The following ZC2HC1C variants were observed in gnomAD, a reference collection of about 807,000 sequenced individuals.
ZC2HC1C encodes zinc finger C2HC domain-containing protein 1C.
A neutral mutation model predicts 39.2 loss-of-function variants in ZC2HC1C; 25 were observed. That is an observed-to-expected ratio of 0.64 (90% CI 0.47 to 0.89). The LOEUF is 0.89. ZC2HC1C is among the 40% of genes least tolerant of loss of function. The pLI is 0.00. For synonymous variants in ZC2HC1C, 209 were observed against 214.4 expected (o/e 0.97, Z 0.22); for missense variants, 519 against 548.6 (o/e 0.95, Z 0.54).
In ZC2HC1C at chr14:75,075,135, C is replaced by T. The variant is rs776238198; in HGVS notation, c.1339-2397C>T. On this transcript the variant is annotated intron_variant, in intron 2 of 2. Coordinates refer to ENST00000524913, the MANE Select transcript of ZC2HC1C (RefSeq NM_024643.4). ...TCTACATACCTGTCTTTTTCTCCCC[C>T]GCAACGATCCATCTGATATCAGACA... 3.2e-4 allele frequency among the ~76,000 whole-genome samples: 48 copies of T among 152,252 alleles called. 1 individual carries two copies. In the South Asian group the frequency reaches 3.9e-3, roughly 12 times the overall value.
Position 75,071,101 on chromosome 14 carries a change from GAACTTTGGTGTGAGGAACCAGGGC to G in ZC2HC1C, c.535_558del (p.Gly179_Phe186del). ...CTGAGCCGAGAGAGTTTTCATCTAGGAACTTTGGTGTGAGGAACCAGGGCAACTTTTCTGTGGTTGGTACTGTTC... is the reference window on the plus strand; with the variant it reads ...CTGAGCCGAGAGAGTTTTCATCTAGGAACTTTTCTGTGGTTGGTACTGTTC... On this transcript the variant is annotated inframe_deletion, in exon 2 of 3. Coordinates refer to ENST00000524913, the MANE Select transcript of ZC2HC1C (RefSeq NM_024643.4). 6.2e-7 allele frequency: 1 copy of G among 1,614,212 alleles called. No homozygotes were observed. Among genetic ancestry groups the G allele is most frequent in the Non-Finnish European group, 8.5e-7 (1 of 1,180,044 alleles).
chr14:75,075,914 G>C (rs557539696), intron 2 of ZC2HC1C, among the ~76,000 whole-genome samples: 4 of 152,092 alleles, frequency 2.6e-5, no homozygotes, highest in African/African-American at 9.6e-5. Context: ...AAAATTAGCC[G>C]GGCGTGGTGG....
intron 2 of ZC2HC1C, chr14:75,073,443 A>C (rs897321478): frequency 1.7e-5 from 8 of 469,340 alleles, no homozygotes; most frequent in African/African-American, 4.1e-5. Flanking sequence ...GGTTCCTGAG[A>C]TCAGATGCTC....
At position 75,071,386 on chromosome 14, in the gene ZC2HC1C, C is replaced by T. The variant is rs1233784921; in HGVS notation, c.813C>T (p.Ser271=). The T allele has an allele frequency of 1.1e-5, 17 of 1,613,986 alleles. No homozygotes were observed. The highest frequency in any genetic ancestry group is 1.4e-5 in the Non-Finnish European group (16 of 1,180,034). ...TACAGAAAATTATACTCCCCAGGAG[C>T]AGAGTTAAAGGTAATAAAAGCAACA... ...GELQKIILPR[S]RVKGNKSNTM... Residue 271 remains serine (S), a synonymous_variant, in exon 2 of 3, where the codon AGC becomes AGT. Coordinates refer to ENST00000524913, the MANE Select transcript of ZC2HC1C (RefSeq NM_024643.4).
chr14:75,079,440 C>T lies in ZC2HC1C; in HGVS notation c.*1876C>T, dbSNP rs1259553702. On this transcript the variant is annotated 3_prime_UTR_variant, in exon 3 of 3. Coordinates refer to ENST00000524913, the MANE Select transcript of ZC2HC1C (RefSeq NM_024643.4). ...GTTAGCCCCTTAAGGAAACCTCACA[C>T]AGAGATAATGGATATTTAACCTAAT... is the stretch of plus-strand genomic sequence containing the variant. The T allele has an allele frequency of 6.6e-6, 1 of 152,134 alleles. No individual in the cohort carries two copies. The highest frequency in any genetic ancestry group is 2.4e-5 in the African/African-American group (1 of 41,426). The allele number at this position is 152,134 out of a possible 1,614,324, so 9.4% of individuals were successfully genotyped here. A position where few individuals can be genotyped will look rare whatever the true frequency, so the allele number is the denominator to read the frequency against.
Position 75,071,011 on chromosome 14 carries a change from C to T in ZC2HC1C, c.438C>T (p.His146=), listed in dbSNP as rs1372699673. Residue 146 remains histidine (H), a synonymous_variant, in exon 2 of 3, where the codon CAC becomes CAT. Transcript: ENST00000524913. ...DRAFPLKPMV[H]RKSCSTGEAG... is the part of the protein sequence containing the mutation. The stretch of plus-strand genomic sequence containing the variant: ...CGTTCCCATTGAAACCCATGGTCCA[C>T]AGGAAGTCGTGCAGTACAGGTGAGG... 5 of 1,614,196 alleles carry T rather than the reference C, an allele frequency of 3.1e-6. No individual in the cohort carries two copies.
In ZC2HC1C at chr14:75,079,470, A is replaced by G. The variant is rs534050250; in HGVS notation, c.*1906A>G. The G allele has an allele frequency of 9.8e-5, 15 of 152,350 alleles. No individual in the cohort carries two copies. Among genetic ancestry groups the G allele is most frequent in the South Asian group, 2.1e-4 (1 of 4,832 alleles). 9.4% of individuals were successfully genotyped at this position (152,350 alleles called of 1,614,324 possible). On this transcript the variant is annotated 3_prime_UTR_variant, in exon 3 of 3. Transcript: ENST00000524913. ...ATAATGGATATTTAACCTAATAGGTACATTCCCTAGGCAAGTTCAATGAAA... is the reference window on the plus strand; with the variant it reads ...ATAATGGATATTTAACCTAATAGGTGCATTCCCTAGGCAAGTTCAATGAAA...
chr14:75,071,390 G>A lies in ZC2HC1C; in HGVS notation c.817G>A (p.Val273Ile), dbSNP rs1893400647. The stretch of plus-strand genomic sequence containing the variant: ...GAAAATTATACTCCCCAGGAGCAGA[G>A]TTAAAGGTAATAAAAGCAACACCAT... ...LQKIILPRSR[V>I]KGNKSNTMYK... The change falls in exon 2 of 3, where the codon GTT becomes ATT. Residue 273 changes from valine (V) to isoleucine (I), a missense_variant. Coordinates refer to ENST00000524913, the MANE Select transcript of ZC2HC1C (RefSeq NM_024643.4). 6.2e-7 allele frequency: 1 copy of A among 1,614,178 alleles called. No individual in the cohort carries two copies. The highest frequency in any genetic ancestry group is 2.2e-5 in the East Asian group (1 of 44,882).
intron 2 of ZC2HC1C, chr14:75,073,620 G>C (rs1304032301): frequency 7.8e-7 from 1 of 1,289,262 alleles, no homozygotes; most frequent in South Asian, 1.2e-5. Flanking sequence ...CATTCCTCTA[G>C]AGTACTCAAG....
chr14:75,074,369 C>CT (rs962814206), intron 2 of ZC2HC1C, among the ~76,000 whole-genome samples: 2 of 152,170 alleles, frequency 1.3e-5, no homozygotes, highest in South Asian at 2.1e-4. Context: ...AGCTAGTTGT[C>CT]TTTTTTCTCT....
At chr14:75,074,981 G>A (rs1268607594) in intron 2 of ZC2HC1C, among the ~76,000 whole-genome samples, 2 of 152,006 alleles carry the variant, frequency 1.3e-5, no homozygotes, top group Non-Finnish European at 2.9e-5. Context: ...ACAATTTTTG[G>A]TTAAAAGTAG....
rs74825278 is a variant in ZC2HC1C at position 75,071,084 on chromosome 14, A to G, written c.511A>G (p.Arg171Gly). Residue 171 changes from arginine to glycine, a missense_variant, in exon 2 of 3, where the codon AGA (arginine) becomes GGA (glycine). Coordinates refer to ENST00000524913, the MANE Select transcript of ZC2HC1C (RefSeq NM_024643.4). ...HNVYPRPPEP[R>G]EFSSRNFGVR... ...TGTCTACCCAAGGCCCCCTGAGCCG[A>G]GAGAGTTTTCATCTAGGAACTTTGG... 277 of 1,614,194 alleles carry G rather than the reference A, an allele frequency of 1.7e-4. No homozygotes were observed. The East Asian group carries it at 5.1e-3, about 29-fold the overall frequency.
intron 2 of ZC2HC1C, chr14:75,073,562 A>G (rs1893522742): frequency 7.8e-7 from 1 of 1,289,048 alleles, no homozygotes; most frequent in Non-Finnish European, 1.0e-6. Context: ...CTCAAATCTT[A>G]TTCCACAGTG....
intron 2 of ZC2HC1C, among the ~76,000 whole-genome samples, chr14:75,072,400 C>A (rs1232601282): frequency 1.3e-5 from 2 of 152,240 alleles, no homozygotes; most frequent in East Asian, 3.8e-4. Context: ...ATTCCTTTAA[C>A]TATTCACTCT....
intron 2 of ZC2HC1C, among the ~76,000 whole-genome samples, chr14:75,076,872 CTA>C (rs1255333269): frequency 2.0e-5 from 3 of 152,112 alleles, no homozygotes; most frequent in African/African-American, 7.2e-5. Flanking sequence ...GGCTCATTGA[CTA>C]AGGATCTTCA....
rs747078006 is a variant in ZC2HC1C, at chr14:75,071,296, A to G, written c.723A>G (p.Thr241=). The change falls in exon 2 of 3, where the codon ACA becomes ACG. Residue 241 remains threonine, a synonymous_variant. Transcript: ENST00000524913. ...TCCTGAGGGGAAAGCTGAAGAAGAC[A>G]GAGGAGGAACTCAGAAGGATCCAGA... ...QILLRGKLKK[T]EEELRRIQTQ... is the part of the protein sequence containing the mutation. 2.5e-6 allele frequency: 4 copies of G among 1,614,152 alleles called. No individual in the cohort carries two copies. The highest frequency in any genetic ancestry group is 1.7e-5 in the Admixed American group (1 of 60,018).
chr14:75,072,528 C>A (rs1893476395), intron 2 of ZC2HC1C, among the ~76,000 whole-genome samples: 1 of 152,156 alleles, frequency 6.6e-6, no homozygotes, highest in East Asian at 1.9e-4. Context: ...AAAGGACTTT[C>A]TTTCTGGTTA....
At position 75,071,177 on chromosome 14, in the gene ZC2HC1C, G is replaced by T. The variant is rs745412187; in HGVS notation, c.604G>T (p.Val202Leu). Residue 202 changes from valine to leucine, a missense_variant, in exon 2 of 3, where the codon GTG becomes TTG. Coordinates refer to ENST00000524913, the MANE Select transcript of ZC2HC1C (RefSeq NM_024643.4). ...TGCTGCCACGCAGGCGGAGAAGGCC[G>T]TGGCAAACTTTGACAGGACGGAGTG... ...VLAATQAEKA[V>L]ANFDRTEWVQ... The T allele has an allele frequency of 3.1e-6, 5 of 1,614,098 alleles. No homozygotes were observed. Among genetic ancestry groups the T allele is most frequent in the African/African-American group, 1.3e-5 (1 of 74,920 alleles).
At chr14:75,072,232 T>C (rs1391741982) in intron 2 of ZC2HC1C, among the ~76,000 whole-genome samples, 1 of 152,218 alleles carries the variant, frequency 6.6e-6, no homozygotes, top group East Asian at 1.9e-4. Context: ...GACATAGAAT[T>C]TGTGTCCTTT....
Sources: gnomAD v4.1 joint callset for allele counts (sites outside exome capture counted in the v4.1 genomes callset) on GRCh38, gnomAD v4.1.1 for gene constraint, MANE v1.5 for transcripts, NCBI Gene and HGNC (gene_info 2026-07-23, HGNC 2026-07-21) for gene names.